Variants in SPIRE1 observed in about 807,000 individuals in gnomAD.
SPIRE1 encodes the protein spire type actin nucleation factor 1.
SPIRE1 carries 40 observed loss-of-function variants against 94.1 expected under a neutral mutation model. The observed-to-expected ratio is 0.43, with a 90% CI of 0.33 to 0.55. The LOEUF is 0.55. Ranked by LOEUF, SPIRE1 falls within the 20% of genes least tolerant of loss-of-function variation. The pLI, the probability that SPIRE1 is intolerant of heterozygous loss-of-function variation, is 0.06. For synonymous variants in SPIRE1, 376 were observed against 371.7 expected (o/e 1.01, Z -0.13); for missense variants, 838 against 975.2 (o/e 0.86, Z 1.87).
At chr18:12,660,439 G>A (rs1329002833), upstream of SPIRE1, among the ~76,000 whole-genome samples, 3 of 151,286 alleles carry the variant, frequency 2.0e-5, no homozygotes, top group East Asian at 1.9e-4. Flanking sequence ...CTCGTGCCTC[G>A]GCCTCCCGAG....
At chr18:12,504,363 C>G (rs2033762742) in intron 6 of SPIRE1, among the ~76,000 whole-genome samples, 1 of 120,104 alleles carries the variant, frequency 8.3e-6, no homozygotes, top group Admixed American at 7.6e-5. Flanking sequence ...AAAAATTAGC[C>G]AGGCGTGGTG....
chr18:12,449,502 G>T lies in SPIRE1; in HGVS notation c.*136C>A. Reference sequence around the variant, plus strand: ...CACAGCATTCAGTCTGTGGAACAATGTGATGCGGCAAAAATCTGATCTAAT... The same window carrying T: ...CACAGCATTCAGTCTGTGGAACAATTTGATGCGGCAAAAATCTGATCTAAT... On this transcript the variant is annotated 3_prime_UTR_variant, in exon 17 of 17. Transcript: ENST00000409402. 1 of 889,816 alleles carries T rather than the reference G, an allele frequency of 1.1e-6. No homozygotes were observed. Among genetic ancestry groups the T allele is most frequent in the Non-Finnish European group, 1.7e-6 (1 of 592,438 alleles). The allele number at this position is 889,816 out of a possible 1,614,324, so 55.1% of individuals were successfully genotyped here.
At chr18:12,529,379 A>T (rs1177325547) in intron 4 of SPIRE1, among the ~76,000 whole-genome samples, 2 of 151,798 alleles carry the variant, frequency 1.3e-5, no homozygotes, top group Non-Finnish European at 2.9e-5. Flanking sequence ...AAAAAAAAAA[A>T]AAAGGGCAGT....
intron 2 of SPIRE1, among the ~76,000 whole-genome samples, chr18:12,627,359 G>C (rs2037660488): frequency 6.6e-6 from 1 of 152,098 alleles, no homozygotes; most frequent in African/African-American, 2.4e-5. Context: ...ATGGTTTCCA[G>C]CTTCATCTAT....
chr18:12,639,954 A>C (rs1029932556), intron 1 of SPIRE1, among the ~76,000 whole-genome samples: 8 of 152,130 alleles, frequency 5.3e-5, no homozygotes, highest in African/African-American at 1.7e-4. Context: ...ACTGACACAG[A>C]ATGGCTTTAC....
chr18:12,526,721 T>A (rs941787487), intron 4 of SPIRE1, among the ~76,000 whole-genome samples: 9 of 152,096 alleles, frequency 5.9e-5, no homozygotes, highest in Non-Finnish European at 1.2e-4. Flanking sequence ...AATTTAATTT[T>A]TTTTTTGAGA....
rs1272923621 is a variant in SPIRE1, at chr18:12,657,720, G to A, written c.147C>T (p.Tyr49=). 7.1e-7 allele frequency: 1 copy of A among 1,405,356 alleles called. No homozygotes were observed. The highest frequency in any genetic ancestry group is 1.5e-5 in the South Asian group (1 of 68,746). 87.1% of individuals were successfully genotyped at this position (1,405,356 alleles called of 1,614,324 possible). Reference sequence around the variant, plus strand: ...CCTGCTCCTCGTTGATGGGCTGGTTGTACAGCCGCAGGATCTCCTCCAGGC... The same window carrying A: ...CCTGCTCCTCGTTGATGGGCTGGTTATACAGCCGCAGGATCTCCTCCAGGC... ...ALSLEEILRL[Y]NQPINEEQAW... The change falls in exon 1 of 17, where the codon TAC becomes TAT. Residue 49 remains tyrosine, a synonymous_variant. Coordinates refer to ENST00000409402, the MANE Select transcript of SPIRE1 (RefSeq NM_001128626.2).
intron 2 of SPIRE1, among the ~76,000 whole-genome samples, chr18:12,601,277 G>A (rs1194295839): frequency 6.6e-6 from 1 of 151,490 alleles, no homozygotes; most frequent in African/African-American, 2.4e-5. Flanking sequence ...ACAAAAAATA[G>A]TCAGGCATGG....
chr18:12,573,817 G>T (rs953164404), intron 2 of SPIRE1, among the ~76,000 whole-genome samples: 25 of 151,722 alleles, frequency 1.6e-4, no homozygotes, highest in African/African-American at 5.8e-4. Context: ...TCGGCTCACT[G>T]CAAGCTCCGC....
chr18:12,527,455 T>C (rs1026455764), intron 4 of SPIRE1, among the ~76,000 whole-genome samples: 4 of 152,194 alleles, frequency 2.6e-5, no homozygotes, highest in African/African-American at 9.7e-5. Flanking sequence ...TATATAAGGA[T>C]AGGCCTTTCG....
At chr18:12,577,436 C>T (rs1313053359) in intron 2 of SPIRE1, among the ~76,000 whole-genome samples, 12 of 151,954 alleles carry the variant, frequency 7.9e-5, no homozygotes, top group African/African-American at 2.4e-4. Flanking sequence ...CATGAGCCAC[C>T]GTGCCTGGCC....
intron 6 of SPIRE1, among the ~76,000 whole-genome samples, chr18:12,496,640 C>T (rs1030740923): frequency 4.6e-5 from 7 of 152,150 alleles, no homozygotes; most frequent in East Asian, 1.9e-4. Flanking sequence ...GAGGCCGAGA[C>T]GGGCTGATCA....
At chr18:12,570,255 G>A (rs2035929501) in intron 2 of SPIRE1, among the ~76,000 whole-genome samples, 1 of 152,190 alleles carries the variant, frequency 6.6e-6, no homozygotes, top group Non-Finnish European at 1.5e-5. Context: ...TGCTCTCCAT[G>A]CAGTATGTGC....
In SPIRE1 at chr18:12,562,725, G is replaced by A. The variant is rs192188896; in HGVS notation, c.373-15821C>T. On this transcript the variant is annotated intron_variant, in intron 2 of 16. Coordinates refer to ENST00000409402, the MANE Select transcript of SPIRE1 (RefSeq NM_001128626.2). ...GGGTCTCACTATGTTGCCTAGGCTG[G>A]TCTTGAACTTCTGGGCTCAAGTGAT... 2.1e-4 allele frequency among the ~76,000 whole-genome samples: 30 copies of A among 145,064 alleles called. No homozygotes were observed. In the East Asian group the frequency reaches 5.7e-3, roughly 28 times the overall value.
At chr18:12,510,040 A>G (rs954686825) in intron 5 of SPIRE1, among the ~76,000 whole-genome samples, 16 of 151,446 alleles carry the variant, frequency 1.1e-4, no homozygotes, top group South Asian at 2.1e-4. Context: ...AGCCGAGATC[A>G]CGCCACTGTA....
At chr18:12,485,051 C>A (rs1252280674) in intron 9 of SPIRE1, among the ~76,000 whole-genome samples, 1 of 151,656 alleles carries the variant, frequency 6.6e-6, no homozygotes, top group Non-Finnish European at 1.5e-5. Context: ...AAATCTGAGG[C>A]ACATAATTAT....
chr18:12,534,165 T>C (rs1403029874), intron 4 of SPIRE1, among the ~76,000 whole-genome samples: 2 of 152,168 alleles, frequency 1.3e-5, no homozygotes, highest in Non-Finnish European at 2.9e-5. Context: ...ATATACACAA[T>C]GGATCTATTT....
intron 12 of SPIRE1, among the ~76,000 whole-genome samples, chr18:12,455,364 C>T (rs772505010): frequency 3.3e-5 from 5 of 152,126 alleles, no homozygotes; most frequent in East Asian, 1.9e-4. Context: ...CCTAATGGTA[C>T]GAGTGGAACT....
intron 2 of SPIRE1, among the ~76,000 whole-genome samples, chr18:12,584,093 T>C (rs1375365278): frequency 6.6e-6 from 1 of 151,772 alleles, no homozygotes; most frequent in Non-Finnish European, 1.5e-5. Flanking sequence ...AGGACAGAAA[T>C]ATATAATACA....
Sources: gnomAD v4.1 joint callset for allele counts (sites outside exome capture counted in the v4.1 genomes callset) on GRCh38, gnomAD v4.1.1 for gene constraint, MANE v1.5 for transcripts, NCBI Gene and HGNC (gene_info 2026-07-23, HGNC 2026-07-21) for gene names.